Variants in LRRIQ3 observed in about 807,000 individuals in gnomAD.
LRRIQ3 encodes the protein leucine-rich repeat and IQ domain-containing protein 3.
LRRIQ3 carries 75 observed loss-of-function variants against 59.3 expected under a neutral mutation model. The observed-to-expected ratio is 1.26, with a 90% CI of 1.05 to 1.53. The LOEUF (loss-of-function observed/expected upper bound fraction) is 1.53, where lower values mean the gene tolerates loss of function less well. Among genes scored for constraint, LRRIQ3 ranks in the 40% most tolerant of loss-of-function variants. The probability of loss-of-function intolerance (pLI) is 0.00; values close to 1 mark genes in which losing one functional copy is unlikely to be tolerated. For missense variants in LRRIQ3, 831 were observed against 710.0 expected, an observed-to-expected ratio of 1.17 and a Z score of -1.94; for synonymous variants, 250 against 231.3, an observed-to-expected ratio of 1.08 and a Z score of -0.73.
intron 5 of LRRIQ3, among the ~76,000 whole-genome samples, chr1:74,099,891 T>C (rs1394596411): frequency 1.3e-5 from 2 of 152,146 alleles, no homozygotes; most frequent in Non-Finnish European, 2.9e-5. Flanking sequence ...AAATTAGGTA[T>C]TAATGGGATG....
At chr1:74,143,172 GACA>G (rs1419120181) in intron 4 of LRRIQ3, among the ~76,000 whole-genome samples, 1 of 151,906 alleles carries the variant, frequency 6.6e-6, no homozygotes, top group African/African-American at 2.4e-5. Flanking sequence ...GTCCAATTCT[GACA>G]ACTTCAGCAG....
At chr1:74,100,798 AG>A (rs1194025383) in intron 5 of LRRIQ3, among the ~76,000 whole-genome samples, 3 of 152,198 alleles carry the variant, frequency 2.0e-5, no homozygotes, top group Admixed American at 2.0e-4. Flanking sequence ...GACAAAAACA[AG>A]AAATGGGGAA....
intron 4 of LRRIQ3, among the ~76,000 whole-genome samples, chr1:74,121,399 G>A (rs779314575): frequency 2.0e-4 from 30 of 152,138 alleles, no homozygotes; most frequent in Non-Finnish European, 3.5e-4. Flanking sequence ...AGGTGCAGAG[G>A]ATTACGGCTG....
rs549382917 is a variant in LRRIQ3 at position 74,055,336 on chromosome 1, T to A, written c.998-13403A>T. On this transcript the variant is annotated intron_variant, in intron 6 of 7. Transcript: ENST00000354431. Reference sequence around the variant, plus strand: ...TCACCGTAGAAAGAAAGCAGGTATCTATTAGCAGTCATTTCTTGTTCCCCC... The same window carrying A: ...TCACCGTAGAAAGAAAGCAGGTATCAATTAGCAGTCATTTCTTGTTCCCCC... 2.6e-5 allele frequency among the ~76,000 whole-genome samples: 4 copies of A among 151,912 alleles called. No homozygotes were observed. In the South Asian group the frequency reaches 8.3e-4, roughly 31 times the overall value.
intron 7 of LRRIQ3, among the ~76,000 whole-genome samples, chr1:74,028,005 T>G (rs1434410668): frequency 2.0e-5 from 3 of 152,028 alleles, no homozygotes; most frequent in African/African-American, 7.2e-5. Flanking sequence ...AACTGAATCT[T>G]GAAAGATGTG....
At chr1:74,091,576 A>G (rs1646394998) in intron 5 of LRRIQ3, among the ~76,000 whole-genome samples, 1 of 152,082 alleles carries the variant, frequency 6.6e-6, no homozygotes. Context: ...AAATTTCAGA[A>G]AGCATCAAAG....
At chr1:74,139,342 G>A (rs1423923426) in intron 4 of LRRIQ3, among the ~76,000 whole-genome samples, 3 of 151,346 alleles carry the variant, frequency 2.0e-5, no homozygotes, top group Non-Finnish European at 4.4e-5. Flanking sequence ...AGGAAGGGAA[G>A]TAGTGAGGAC....
At chr1:74,155,467 T>C (rs1648261648) in intron 4 of LRRIQ3, among the ~76,000 whole-genome samples, 1 of 152,216 alleles carries the variant, frequency 6.6e-6, no homozygotes, top group African/African-American at 2.4e-5. Context: ...TTTTATATTC[T>C]ATTGTATCCC....
chr1:74,183,085 A>G, intron 2 of LRRIQ3: 1 of 347,026 alleles, frequency 2.9e-6, no homozygotes, highest in Non-Finnish European at 5.1e-6. Flanking sequence ...AAAATGCATA[A>G]CCATACTTTT....
rs759194511 is a variant in LRRIQ3 at position 74,037,622 on chromosome 1, C to T, written c.1718+3591G>A. Reference sequence around the variant, plus strand: ...TCCAGCTTGGGCAACAAGAGTGAAACTGTGTCTCAAAACAAAACAAAACAA... The same window carrying T: ...TCCAGCTTGGGCAACAAGAGTGAAATTGTGTCTCAAAACAAAACAAAACAA... On this transcript the variant is annotated intron_variant, in intron 7 of 7. Coordinates refer to ENST00000354431, the MANE Select transcript of LRRIQ3 (RefSeq NM_001105659.2). Among the ~76,000 whole-genome samples the T allele has an allele frequency of 1.9e-4, 29 of 152,100 alleles. 1 individual carries two copies. Among genetic ancestry groups the T allele is most frequent in the Non-Finnish European group, 3.7e-4 (25 of 68,008 alleles).
rs1215993413 is a variant in LRRIQ3 at position 74,047,776 on chromosome 1, A to C, written c.998-5843T>G. Among the ~76,000 whole-genome samples the C allele has an allele frequency of 1.6e-4, 24 of 152,186 alleles. No homozygotes were observed. In the South Asian group the frequency reaches 5.0e-3, roughly 32 times the overall value. On this transcript the variant is annotated intron_variant, in intron 6 of 7. Transcript: ENST00000354431. Reference sequence around the variant, plus strand: ...GATTTTAAAAAATCTGTTGTTTATAAGCTACCCAGTTTATGGTATTTTGTT... The same window carrying C: ...GATTTTAAAAAATCTGTTGTTTATACGCTACCCAGTTTATGGTATTTTGTT...
At chr1:74,069,212 A>C (rs1285745940) in intron 6 of LRRIQ3, among the ~76,000 whole-genome samples, 3 of 152,030 alleles carry the variant, frequency 2.0e-5, no homozygotes, top group Admixed American at 2.0e-4. Context: ...CTGTATCTGA[A>C]ATATGAATGG....
At chr1:74,131,930 T>A (rs911811812) in intron 4 of LRRIQ3, among the ~76,000 whole-genome samples, 1 of 152,094 alleles carries the variant, frequency 6.6e-6, no homozygotes, top group African/African-American at 2.4e-5. Flanking sequence ...AAAGAGGAAG[T>A]CAAATTGTTC....
intron 7 of LRRIQ3, among the ~76,000 whole-genome samples, chr1:74,036,945 C>A (rs1843024): frequency 6.6e-6 from 1 of 152,048 alleles, no homozygotes; most frequent in African/African-American, 2.4e-5. Flanking sequence ...CATTTTTACT[C>A]TATGTTTAAT....
chr1:74,183,808 AACTCATT>A, intron 1 of LRRIQ3, 124 bp from the exon 2 acceptor site: 3 of 756,462 alleles, frequency 4.0e-6, no homozygotes, highest in Non-Finnish European at 5.9e-6. Context: ...AATTTAAAAA[AACTCATT>A]CTTATAGAAC....
chr1:74,113,998 T>C (rs1291712176), intron 4 of LRRIQ3, among the ~76,000 whole-genome samples: 1 of 151,644 alleles, frequency 6.6e-6, no homozygotes. Flanking sequence ...ACTATATATA[T>C]AATTGTATCA....
intron 6 of LRRIQ3, among the ~76,000 whole-genome samples, chr1:74,067,960 A>G (rs926121660): frequency 2.6e-5 from 4 of 152,058 alleles, no homozygotes; most frequent in Non-Finnish European, 5.9e-5. Flanking sequence ...CTATAAGGTA[A>G]CTTGCCAAAC....
At chr1:74,197,758 T>G (rs922027745) in intron 1 of LRRIQ3, among the ~76,000 whole-genome samples, 4 of 152,096 alleles carry the variant, frequency 2.6e-5, no homozygotes, top group Non-Finnish European at 5.9e-5. Context: ...TTTTAAATAT[T>G]CAGACTGTGT....
chr1:74,059,714 C>T (rs902575830), intron 6 of LRRIQ3, among the ~76,000 whole-genome samples: 5 of 152,024 alleles, frequency 3.3e-5, no homozygotes, highest in African/African-American at 1.2e-4. Context: ...TTAGGATCAT[C>T]TTTTCCATTT....
Sources: allele counts gnomAD v4.1 joint callset (sites outside exome capture counted in the v4.1 genomes callset), GRCh38; gene constraint gnomAD v4.1.1; transcripts MANE v1.5; gene names NCBI Gene and HGNC (gene_info 2026-07-23, HGNC 2026-07-21).